TMEM74: variants seen among roughly 807,000 people sequenced by gnomAD.
The protein encoded by TMEM74 is transmembrane protein 74.
Under a neutral mutation model 18.1 loss-of-function variants are expected in TMEM74, and 13 were observed. The ratio of observed to expected loss-of-function variants is 0.72; its 90% confidence interval spans 0.47 to 1.14. The LOEUF (loss-of-function observed/expected upper bound fraction) is 1.14. Ranked by LOEUF, TMEM74 falls within the 50% of genes most tolerant of loss-of-function variation. The pLI is 0.00. For synonymous variants in TMEM74, 159 were observed against 146.6 expected (o/e 1.08, Z -0.61); for missense variants, 372 against 375.9 (o/e 0.99, Z 0.09).
chr8:108,608,566 G>A (rs1045369197), intron 3 of TMEM74, among the ~76,000 whole-genome samples: 7 of 152,124 alleles, frequency 4.6e-5, no homozygotes, highest in Admixed American at 1.3e-4. Context: ...AAATAGAATT[G>A]CTCCTGCTGG....
At chr8:108,733,688 A>G (rs954909581) in intron 1 of TMEM74, among the ~76,000 whole-genome samples, 3 of 152,212 alleles carry the variant, frequency 2.0e-5, no homozygotes, top group African/African-American at 7.2e-5. Context: ...ATTATCACTT[A>G]TTACCTCATT....
At chr8:108,630,895 T>C (rs1812544249) in intron 2 of TMEM74, among the ~76,000 whole-genome samples, 1 of 151,932 alleles carries the variant, frequency 6.6e-6, no homozygotes, top group Non-Finnish European at 1.5e-5. Context: ...GTCATGAGTC[T>C]ACCCCAGCAG....
At chr8:108,705,961 GCTAT>G (rs1198211883) in intron 1 of TMEM74, among the ~76,000 whole-genome samples, 2 of 152,156 alleles carry the variant, frequency 1.3e-5, no homozygotes, top group Non-Finnish European at 2.9e-5. Context: ...GGATTCTTTT[GCTAT>G]CAAAATTCCA....
chr8:108,761,567 C>G (rs769122439), intron 1 of TMEM74, among the ~76,000 whole-genome samples: 7 of 152,036 alleles, frequency 4.6e-5, no homozygotes, highest in African/African-American at 1.2e-4. Flanking sequence ...TATTCGTGTT[C>G]AGGAAAATCA....
At chr8:108,634,249 C>T (rs1375667036) in intron 2 of TMEM74, among the ~76,000 whole-genome samples, 1 of 151,924 alleles carries the variant, frequency 6.6e-6, no homozygotes, top group Non-Finnish European at 1.5e-5. Flanking sequence ...CCACCTCCAT[C>T]CCCAAAAAAT....
chr8:108,686,264 T>A (rs1452129838), intron 1 of TMEM74, among the ~76,000 whole-genome samples: 2 of 152,256 alleles, frequency 1.3e-5, no homozygotes, highest in Non-Finnish European at 2.9e-5. Context: ...AGTGGAGTGA[T>A]CTTGGCTCAC....
intron 1 of TMEM74, among the ~76,000 whole-genome samples, chr8:108,705,475 A>G (rs1278011904): frequency 6.6e-6 from 1 of 152,150 alleles, no homozygotes; most frequent in Non-Finnish European, 1.5e-5. Context: ...TCTAGCCCAT[A>G]TGGTTCTTAT....
intron 2 of TMEM74, among the ~76,000 whole-genome samples, chr8:108,616,028 G>A (rs1405880645): frequency 1.3e-5 from 2 of 151,860 alleles, no homozygotes; most frequent in African/African-American, 2.4e-5. Context: ...CTCGTGATCC[G>A]CCTGCCCTGG....
chr8:108,662,621 T>A (rs905221735), intron 1 of TMEM74, among the ~76,000 whole-genome samples: 2 of 152,142 alleles, frequency 1.3e-5, no homozygotes, highest in Non-Finnish European at 2.9e-5. Flanking sequence ...CCCAGTTATG[T>A]ACTATAGTGG....
chr8:108,756,599 A>AAAGG (rs200040254), intron 1 of TMEM74, among the ~76,000 whole-genome samples: 819 of 51,370 alleles, frequency 0.016, 56 homozygotes, highest in Non-Finnish European at 0.023. Context: ...AAAGAAAGAG[A>AAAGG]AAGGAAGGAA....
chr8:108,766,838 C>T (rs1369561452), intron 1 of TMEM74, among the ~76,000 whole-genome samples: 1 of 152,166 alleles, frequency 6.6e-6, no homozygotes, highest in African/African-American at 2.4e-5. Context: ...CGTGGCAAAC[C>T]ACTGGTGTAA....
chr8:108,772,742 G>A lies in TMEM74; in HGVS notation n.119+14734C>T, dbSNP rs916471699. ...TGGGAAGGCTCAGCTACACCACTTG[G>A]TAACTTTAACCTCAAGCAAGTGTAT... On this transcript the variant is annotated intron_variant and non_coding_transcript_variant, in intron 1 of 3. Coordinates refer to the TMEM74 transcript ENST00000518838. 2.0e-5 allele frequency among the ~76,000 whole-genome samples: 3 copies of A among 152,108 alleles called. No individual in the cohort carries two copies. The South Asian group carries it at 6.2e-4, about 32-fold the overall frequency.
intron 2 of TMEM74, among the ~76,000 whole-genome samples, chr8:108,645,790 G>C (rs1230080019): frequency 6.6e-6 from 1 of 152,006 alleles, no homozygotes; most frequent in Non-Finnish European, 1.5e-5. Flanking sequence ...GATAACCAAG[G>C]GATTAATTTA....
At chr8:108,650,737 G>C (rs1408309624) in intron 2 of TMEM74, among the ~76,000 whole-genome samples, 1 of 126,814 alleles carries the variant, frequency 7.9e-6, no homozygotes, top group Admixed American at 7.8e-5. Context: ...TTAGATGAAG[G>C]CTTGCTCTTG....
rs552314848 is a variant in TMEM74, at chr8:108,734,090, A to G, written n.119+53386T>C. Among the ~76,000 whole-genome samples, 12 of 152,316 alleles carry G rather than the reference A, an allele frequency of 7.9e-5. No homozygotes were observed. The East Asian group carries it at 1.9e-3, about 24-fold the overall frequency. On this transcript the variant is annotated intron_variant and non_coding_transcript_variant, in intron 1 of 3. Transcript: ENST00000518838. The stretch of plus-strand genomic sequence containing the variant: ...GGAGGACATTGGCATGTGAGTCAGA[A>G]GCCTGAGTGAGGAAGATCTGCCCGC...
At chr8:108,775,739 T>C (rs1814226538), downstream of TMEM74, among the ~76,000 whole-genome samples, 1 of 152,196 alleles carries the variant, frequency 6.6e-6, no homozygotes, top group African/African-American at 2.4e-5. Context: ...CCTCTGTCTC[T>C]CCTAGCCCCC....
chr8:108,676,879 A>T (rs1432604556), intron 1 of TMEM74, among the ~76,000 whole-genome samples: 10 of 152,218 alleles, frequency 6.6e-5, no homozygotes, highest in Admixed American at 5.2e-4. Context: ...GGCACAAAAC[A>T]GTTGTTGAAT....
chr8:108,656,891 A>T (rs1404695707), intron 1 of TMEM74, among the ~76,000 whole-genome samples: 4 of 152,164 alleles, frequency 2.6e-5, no homozygotes, highest in Non-Finnish European at 2.9e-5. Context: ...ATTTTCTCAT[A>T]TTGAACTTGA....
chr8:108,785,028 C>G lies in TMEM74; in HGVS notation c.71G>C (p.Arg24Thr), dbSNP rs766277917. ...ATCTGCCTGGTCACCAGGCAGCCCT[C>G]TTGAACTCCAGTCCCTGGCATCACA... The part of the protein sequence containing the change: ...DLCDARDWSS[R>T]GLPGDQADTA... Residue 24 changes from arginine (R) to threonine (T), a missense_variant, in exon 2 of 2, where the codon AGA (arginine) becomes ACA (threonine). Transcript: ENST00000297459. 6.2e-7 allele frequency: 1 copy of G among 1,614,078 alleles called. No homozygotes were observed. The highest frequency in any genetic ancestry group is 1.3e-5 in the African/African-American group (1 of 75,048).
Sources: allele counts gnomAD v4.1 joint callset (sites outside exome capture counted in the v4.1 genomes callset), GRCh38; gene constraint gnomAD v4.1.1; transcripts MANE v1.5; gene names NCBI Gene and HGNC (gene_info 2026-07-23, HGNC 2026-07-21).